Variants in KCTD8 observed in about 807,000 individuals in gnomAD.
KCTD8 encodes the protein potassium channel tetramerization domain containing 8, also known as BTB/POZ domain-containing protein KCTD8.
KCTD8 carries 27 observed loss-of-function variants against 31.5 expected under a neutral mutation model. That is an observed-to-expected ratio of 0.86 (90% confidence interval 0.63 to 1.18). The LOEUF (loss-of-function observed/expected upper bound fraction) is 1.18, where lower values mean the gene tolerates loss of function less well. KCTD8 is among the 50% of genes most tolerant of loss of function. The pLI, the probability that KCTD8 is intolerant of heterozygous loss-of-function variation, is 0.00. For synonymous variants in KCTD8, 290 were observed against 280.0 expected (o/e 1.04, Z -0.36); for missense variants, 658 against 647.7 (o/e 1.02, Z -0.17).
At chr4:44,405,331 C>T (rs753634937) in intron 1 of KCTD8, among the ~76,000 whole-genome samples, 1 of 152,100 alleles carries the variant, frequency 6.6e-6, no homozygotes, top group Non-Finnish European at 1.5e-5. Context: ...GATCTCAGCT[C>T]ACTGCAATCT....
intron 1 of KCTD8, among the ~76,000 whole-genome samples, chr4:44,378,780 T>C (rs959820336): frequency 1.3e-5 from 2 of 152,164 alleles, no homozygotes; most frequent in South Asian, 2.1e-4. Context: ...TCTACAGTTA[T>C]AAATTACAAT....
At chr4:44,183,433 AC>A (rs11306256) in intron 1 of KCTD8, among the ~76,000 whole-genome samples, 22,207 of 152,164 alleles carry the variant, frequency 0.15, 1,698 homozygotes, top group South Asian at 0.22. Flanking sequence ...GTAGTAAAAA[AC>A]ATTATATTAA....
At chr4:44,419,677 A>C (rs1212514314) in intron 1 of KCTD8, among the ~76,000 whole-genome samples, 1 of 151,340 alleles carries the variant, frequency 6.6e-6, no homozygotes, top group Non-Finnish European at 1.5e-5. Flanking sequence ...CAGGGCAGGG[A>C]GTGTCACATA....
intron 1 of KCTD8, among the ~76,000 whole-genome samples, chr4:44,188,032 A>C (rs1023215113): frequency 6.6e-6 from 1 of 151,522 alleles, no homozygotes; most frequent in Non-Finnish European, 1.5e-5. Flanking sequence ...ACAGTCTAAC[A>C]CTCTTGTGTT....
In KCTD8 at chr4:44,448,259, G is replaced by C. The variant is rs776941842; in HGVS notation, c.265C>G (p.Leu89Val). ...AAGCGCGCCCGGCTGTCCCTGGGCA[G>C]CTCGCCCCGGCGCCGGGCGCCGCCA... is the stretch of plus-strand genomic sequence containing the variant. ...PRGGARRRGE[L>V]PRDSRARFFI... The change falls in exon 1 of 2, where the codon CTG becomes GTG. Residue 89 changes from leucine (L) to valine (V), a missense_variant. Leu to Val is a conservative substitution (Grantham distance 32). Coordinates refer to ENST00000360029, the MANE Select transcript of KCTD8 (RefSeq NM_198353.3). The surrounding 1 kb of genome is among the most constrained non-coding windows in gnomAD (Gnocchi z 4.1). The C allele has an allele frequency of 2.1e-5, 33 of 1,606,720 alleles. No homozygotes were observed. In the South Asian group the frequency reaches 3.6e-4, roughly 18 times the overall value.
chr4:44,436,902 C>A (rs1447350597), intron 1 of KCTD8, among the ~76,000 whole-genome samples: 1 of 152,090 alleles, frequency 6.6e-6, no homozygotes, highest in Non-Finnish European at 1.5e-5. Context: ...AATGCTGGCA[C>A]CTTCCTCCAA....
intron 1 of KCTD8, among the ~76,000 whole-genome samples, chr4:44,214,562 C>T (rs564792725): frequency 2.0e-4 from 30 of 152,210 alleles, no homozygotes; most frequent in Admixed American, 1.4e-3. Flanking sequence ...AATAAAACAT[C>T]GTAACCCAGA....
intron 1 of KCTD8, among the ~76,000 whole-genome samples, chr4:44,268,843 G>C (rs1287878610): frequency 6.7e-6 from 1 of 150,358 alleles, no homozygotes; most frequent in Non-Finnish European, 1.5e-5. Context: ...GGGATGTGAA[G>C]GACCTCTTCA....
chr4:44,310,605 A>C (rs561040756), intron 1 of KCTD8, among the ~76,000 whole-genome samples: 1 of 152,122 alleles, frequency 6.6e-6, no homozygotes, highest in Non-Finnish European at 1.5e-5. Flanking sequence ...GAAATGTTTC[A>C]AAGTTAGCAG....
chr4:44,297,483 T>C (rs1255878249), intron 1 of KCTD8, among the ~76,000 whole-genome samples: 2 of 152,084 alleles, frequency 1.3e-5, no homozygotes, highest in African/African-American at 2.4e-5. Context: ...AATAGCATCT[T>C]ACAATCAATG....
At chr4:44,383,457 T>C (rs1367214013) in intron 1 of KCTD8, among the ~76,000 whole-genome samples, 1 of 151,960 alleles carries the variant, frequency 6.6e-6, no homozygotes, top group Non-Finnish European at 1.5e-5. Context: ...GGTACTGGCA[T>C]AGAAACTGAC....
Position 44,448,687 on chromosome 4 carries a change from G to A in KCTD8, c.-164C>T, listed in dbSNP as rs1459082741. 4 of 651,298 alleles carry A rather than the reference G, an allele frequency of 6.1e-6. No homozygotes were observed. The highest frequency in any genetic ancestry group is 8.7e-6 in the Non-Finnish European group (4 of 457,356). 40.3% of individuals were successfully genotyped at this position (651,298 alleles called of 1,614,324 possible). ...GCTCAGGGTTCGGGGCAGCGGCGGC[G>A]TCGGCGGCGCCCGAGCTCCATCGGA... is the stretch of plus-strand genomic sequence containing the variant. On this transcript the variant is annotated 5_prime_UTR_variant, in exon 1 of 2. The change creates a new upstream start codon in the 5' untranslated region. Coordinates refer to ENST00000360029, the MANE Select transcript of KCTD8 (RefSeq NM_198353.3). The surrounding 1 kb of genome is among the most constrained non-coding windows in gnomAD (Gnocchi z 4.1).
At chr4:44,435,767 T>C (rs1721628944) in intron 1 of KCTD8, among the ~76,000 whole-genome samples, 1 of 152,086 alleles carries the variant, frequency 6.6e-6, no homozygotes, top group African/African-American at 2.4e-5. Flanking sequence ...ATATGGCAGA[T>C]GTGCCTGCTG....
chr4:44,248,226 G>A (rs904144896), intron 1 of KCTD8, among the ~76,000 whole-genome samples: 1 of 151,612 alleles, frequency 6.6e-6, no homozygotes, highest in African/African-American at 2.4e-5. Flanking sequence ...AACATTACTA[G>A]AGTGATTAAA....
intron 1 of KCTD8, among the ~76,000 whole-genome samples, chr4:44,337,107 A>G (rs1032113344): frequency 6.6e-6 from 1 of 152,186 alleles, no homozygotes; most frequent in Non-Finnish European, 1.5e-5. Flanking sequence ...AAAATGTTCA[A>G]CCTAACTAAC....
chr4:44,227,601 C>G (rs1359614166), intron 1 of KCTD8, among the ~76,000 whole-genome samples: 5 of 152,092 alleles, frequency 3.3e-5, no homozygotes. Context: ...GAAATCTAAC[C>G]CAGTAAGCAT....
intron 1 of KCTD8, among the ~76,000 whole-genome samples, chr4:44,223,369 C>T (rs560573130): frequency 1.1e-4 from 16 of 152,134 alleles, no homozygotes; most frequent in Admixed American, 2.6e-4. Context: ...ACCTTTGGGA[C>T]GTGTAGGTGT....
intron 1 of KCTD8, among the ~76,000 whole-genome samples, chr4:44,415,571 C>G (rs1253660325): frequency 6.6e-6 from 1 of 152,200 alleles, no homozygotes; most frequent in African/African-American, 2.4e-5. Flanking sequence ...TGCCACTTCC[C>G]TGTGCAGCCT....
intron 1 of KCTD8, among the ~76,000 whole-genome samples, chr4:44,181,794 G>A (rs988702275): frequency 3.3e-4 from 50 of 151,372 alleles, no homozygotes; most frequent in Non-Finnish European, 6.6e-4. Context: ...TCCCATCTAG[G>A]AAGTGAGGAG....
Sources: allele counts gnomAD v4.1 joint callset (sites outside exome capture counted in the v4.1 genomes callset), GRCh38; gene constraint gnomAD v4.1.1; non-coding constraint Gnocchi (gnomAD v3.1); transcripts MANE v1.5; gene names NCBI Gene and HGNC (gene_info 2026-07-23, HGNC 2026-07-21).